The following TTPA variants were observed in gnomAD, a reference collection of about 807,000 sequenced individuals.
TTPA encodes alpha tocopherol transfer protein.
Under a neutral mutation model 25.9 loss-of-function variants are expected in TTPA, and 23 were observed. The ratio of observed to expected loss-of-function variants is 0.89; its 90% confidence interval spans 0.64 to 1.26. The LOEUF is 1.26. TTPA is among the 50% of genes most tolerant of loss of function. The probability of loss-of-function intolerance (pLI) is 0.00; values close to 1 mark genes in which losing one functional copy is unlikely to be tolerated. For missense variants in TTPA, 337 were observed against 353.1 expected, an observed-to-expected ratio of 0.95 and a Z score of 0.37; for synonymous variants, 148 against 137.3, an observed-to-expected ratio of 1.08 and a Z score of -0.54.
At chr8:63,085,765 G>A (rs1805739592) in intron 1 of TTPA, 53 bp downstream of exon 1, 4 of 1,518,072 alleles carry the variant, frequency 2.6e-6, no homozygotes, top group South Asian at 2.4e-5. Flanking sequence ...GTGGGGCGGG[G>A]GACGGGGCGG....
intron 2 of TTPA, among the ~76,000 whole-genome samples, chr8:63,067,449 GAA>G (rs146111895): frequency 1.8e-5 from 2 of 113,762 alleles, no homozygotes; most frequent in East Asian, 4.4e-4. Flanking sequence ...CTCCAAAGCT[GAA>G]AAAAAAAACA....
chr8:63,073,178 CTT>C, intron 1 of TTPA, 90 bp from the exon 2 acceptor site: 1 of 1,072,750 alleles, frequency 9.3e-7, no homozygotes, highest in East Asian at 2.6e-5. Context: ...TGTGTATAAA[CTT>C]TGCCATCCAT....
At chr8:63,069,993 A>G (rs1042873852) in intron 2 of TTPA, among the ~76,000 whole-genome samples, 1 of 152,204 alleles carries the variant, frequency 6.6e-6, no homozygotes, top group African/African-American at 2.4e-5. Flanking sequence ...TTTTAGATAG[A>G]CAGACTGATA....
rs1805382625 is a variant in TTPA at position 63,065,964 on chromosome 8, C to T, written c.492G>A (p.Gln164=). ...GAGTGATTTGAAAAGCATGAGAAAA[C>T]TGCCAACCTTCCAGATCAAAGATAG... ...IKAIFDLEGW[Q]FSHAFQITPS... is the part of the protein sequence containing the mutation. Residue 164 remains glutamine, a synonymous_variant, in exon 3 of 5, where the codon CAG becomes CAA. Transcript: ENST00000260116. 1 of 1,613,960 alleles carries T rather than the reference C, an allele frequency of 6.2e-7. No homozygotes were observed. The highest frequency in any genetic ancestry group is 1.3e-5 in the African/African-American group (1 of 74,916).
chr8:63,074,365 C>A (rs1303864283), intron 1 of TTPA, among the ~76,000 whole-genome samples: 1 of 152,214 alleles, frequency 6.6e-6, no homozygotes, highest in African/African-American at 2.4e-5. Context: ...CCCTCACCCC[C>A]ATCTCTGATT....
chr8:63,072,933 A>T lies in TTPA; in HGVS notation c.358+2T>A. 6.2e-7 allele frequency: 1 copy of T among 1,614,060 alleles called. No individual in the cohort carries two copies. The highest frequency in any genetic ancestry group is 8.5e-7 in the Non-Finnish European group (1 of 1,180,010). On this transcript the variant is annotated splice_donor_variant, in intron 2 of 4. Coordinates refer to ENST00000260116, the MANE Select transcript of TTPA (RefSeq NM_000370.3). LOFTEE classifies it high-confidence loss of function. ...AAAAAAAAAGAGTTGTGTATGACTT[A>T]CCGATTCTGTAAATAAGAACTTTGC... is the stretch of plus-strand genomic sequence containing the variant.
downstream of TTPA, among the ~76,000 whole-genome samples, chr8:63,059,029 T>TTG (rs1218200608): frequency 1.9e-5 from 2 of 104,916 alleles, no homozygotes; most frequent in East Asian, 1.2e-3. Context: ...AGTTTTTTTT[T>TTG]TTTTTTTTTT....
chr8:63,058,581 T>A (rs560361306), downstream of TTPA, among the ~76,000 whole-genome samples: 75 of 152,322 alleles, frequency 4.9e-4, no homozygotes, highest in African/African-American at 1.7e-3. Flanking sequence ...ACTTTATTAA[T>A]TTGACCATTC....
intron 2 of TTPA, among the ~76,000 whole-genome samples, chr8:63,072,598 T>A (rs1023460863): frequency 5.9e-5 from 9 of 152,180 alleles, no homozygotes; most frequent in East Asian, 5.8e-4. Context: ...CATGATTTTT[T>A]AAAATATTCT....
chr8:63,070,315 G>A (rs1164992511), intron 2 of TTPA, among the ~76,000 whole-genome samples: 2 of 152,106 alleles, frequency 1.3e-5, no homozygotes, highest in African/African-American at 2.4e-5. Flanking sequence ...TGGGTTGCCC[G>A]GCCCGCATGG....
At chr8:63,066,778 T>A (rs1805397354) in intron 2 of TTPA, among the ~76,000 whole-genome samples, 2 of 152,138 alleles carry the variant, frequency 1.3e-5, no homozygotes, top group South Asian at 2.1e-4. Flanking sequence ...AAGCAGATAA[T>A]CTTTTTTAAA....
intron 1 of TTPA, among the ~76,000 whole-genome samples, chr8:63,081,781 A>G (rs866024524): frequency 6.9e-4 from 105 of 152,348 alleles, no homozygotes; most frequent in African/African-American, 2.5e-3. Context: ...CTGATAAGCA[A>G]CTTCAGCAAA....
chr8:63,060,154 AGTTAC>A lies in TTPA; in HGVS notation c.*1093_*1097del, dbSNP rs1367498656. The A allele has an allele frequency of 6.6e-6, 1 of 152,204 alleles. No individual in the cohort carries two copies. Among genetic ancestry groups the A allele is most frequent in the African/African-American group, 2.4e-5 (1 of 41,442 alleles). 9.4% of individuals were successfully genotyped at this position (152,204 alleles called of 1,614,324 possible). A position where few individuals can be genotyped will look rare whatever the true frequency, so the allele number is the denominator to read the frequency against. On this transcript the variant is annotated 3_prime_UTR_variant, in exon 5 of 5. Transcript: ENST00000260116. Reference sequence around the variant, plus strand: ...TGTAAACATTTCCTTTCCTTTGTGTAGTTACGTTATTGTTAACTAAAAACAGTCCA... The same window carrying A: ...TGTAAACATTTCCTTTCCTTTGTGTAGTTATTGTTAACTAAAAACAGTCCA...
chr8:63,059,036 T>G (rs1228871629), downstream of TTPA, among the ~76,000 whole-genome samples: 19 of 128,056 alleles, frequency 1.5e-4, no homozygotes, highest in African/African-American at 4.0e-4. Context: ...TTTTTTTTTT[T>G]TTTTTTTTTT....
In TTPA at chr8:63,060,641, T is replaced by G. The variant is rs1805290098; in HGVS notation, c.*611A>C. 2 of 152,874 alleles carry G rather than the reference T, an allele frequency of 1.3e-5. No homozygotes were observed. Among genetic ancestry groups the G allele is most frequent in the Non-Finnish European group, 2.9e-5 (2 of 69,502 alleles). The allele number at this position is 152,874 out of a possible 1,614,324, so 9.5% of individuals were successfully genotyped here. Reference sequence around the variant, plus strand: ...GTGAGCTGAGATCTCACTACTGCACTCTAGCCTGGGCGACAGAGCAAGACT... The same window carrying G: ...GTGAGCTGAGATCTCACTACTGCACGCTAGCCTGGGCGACAGAGCAAGACT... On this transcript the variant is annotated 3_prime_UTR_variant, in exon 5 of 5. Transcript: ENST00000260116.
At chr8:63,066,819 A>G (rs1245019634) in intron 2 of TTPA, among the ~76,000 whole-genome samples, 1 of 152,196 alleles carries the variant, frequency 6.6e-6, no homozygotes, top group Non-Finnish European at 1.5e-5. Flanking sequence ...TTAGAATATT[A>G]AACACATCCA....
At chr8:63,075,623 T>C (rs1238607806) in intron 1 of TTPA, among the ~76,000 whole-genome samples, 1 of 141,390 alleles carries the variant, frequency 7.1e-6, no homozygotes, top group East Asian at 2.1e-4. Context: ...CGCTTGAACC[T>C]GGGAGGCGAA....
At chr8:63,064,950 C>T (rs1805366325) in intron 3 of TTPA, among the ~76,000 whole-genome samples, 1 of 152,040 alleles carries the variant, frequency 6.6e-6, no homozygotes. Flanking sequence ...TTCCAAATCC[C>T]TTCTATGCAT....
intron 1 of TTPA, among the ~76,000 whole-genome samples, chr8:63,078,855 C>T (rs1220524515): frequency 6.6e-6 from 1 of 152,008 alleles, no homozygotes; most frequent in Non-Finnish European, 1.5e-5. Flanking sequence ...AGATACTCCT[C>T]GAGAAGAGCA....
Sources: allele counts gnomAD v4.1 joint callset (sites outside exome capture counted in the v4.1 genomes callset), GRCh38; gene constraint gnomAD v4.1.1; transcripts MANE v1.5; gene names NCBI Gene and HGNC (gene_info 2026-07-23, HGNC 2026-07-21).